Variants in HTR7 observed in about 807,000 individuals in gnomAD.
The protein encoded by HTR7 is 5-hydroxytryptamine receptor 7, also known as 5-HT-7.
A neutral mutation model predicts 34.0 loss-of-function variants in HTR7; 16 were observed. The ratio of observed to expected loss-of-function variants is 0.47; its 90% confidence interval spans 0.32 to 0.71. The LOEUF (loss-of-function observed/expected upper bound fraction) is 0.71, where lower values mean the gene tolerates loss of function less well. HTR7 is among the 30% of genes least tolerant of loss of function. HTR7 has a pLI of 0.04. For synonymous variants in HTR7, 265 were observed against 260.2 expected (o/e 1.02, Z -0.18); for missense variants, 504 against 625.5 (o/e 0.81, Z 2.07).
Position 90,742,422 on chromosome 10 carries a change from G to A in HTR7, c.*60C>T. 7.6e-7 allele frequency: 1 copy of A among 1,319,586 alleles called. No individual in the cohort carries two copies. Among genetic ancestry groups the A allele is most frequent in the East Asian group, 2.3e-5 (1 of 43,412 alleles). The allele number at this position is 1,319,586 out of a possible 1,614,324, so 81.7% of individuals were successfully genotyped here. ...ATTCCATTCTGCAGACTCAGCAAAT[G>A]ACTTCCTTCTGTTTCCACCTCTATT... On this transcript the variant is annotated 3_prime_UTR_variant, in exon 4 of 4. Transcript: ENST00000336152.
intron 1 of HTR7, among the ~76,000 whole-genome samples, chr10:90,827,262 TA>T (rs1846092912): frequency 6.6e-6 from 1 of 151,926 alleles, no homozygotes; most frequent in Non-Finnish European, 1.5e-5. Context: ...AGACACAGAG[TA>T]GGCTGGGTAT....
At chr10:90,794,567 C>T (rs558689271) in intron 1 of HTR7, among the ~76,000 whole-genome samples, 40 of 152,252 alleles carry the variant, frequency 2.6e-4, no homozygotes, top group South Asian at 2.1e-4. Flanking sequence ...AGTCATGGCT[C>T]ACTACAGCCT....
chr10:90,783,141 A>C (rs1421267522), intron 1 of HTR7, among the ~76,000 whole-genome samples: 2 of 152,168 alleles, frequency 1.3e-5, no homozygotes, highest in African/African-American at 4.8e-5. Flanking sequence ...GACCCCTTTA[A>C]ATTAAATTCC....
At chr10:90,793,705 T>C (rs1845494664) in intron 1 of HTR7, among the ~76,000 whole-genome samples, 1 of 151,830 alleles carries the variant, frequency 6.6e-6, no homozygotes, top group South Asian at 2.1e-4. Context: ...CAAGGCGAAA[T>C]CCCACAATAG....
chr10:90,744,575 G>T (rs930430285), intron 2 of HTR7, among the ~76,000 whole-genome samples: 1 of 127,666 alleles, frequency 7.8e-6, no homozygotes, highest in Non-Finnish European at 1.6e-5. Context: ...GTACTTCTTT[G>T]TTGGGGGGTG....
intron 1 of HTR7, among the ~76,000 whole-genome samples, chr10:90,754,449 T>G (rs1023313918): frequency 2.0e-5 from 3 of 152,156 alleles, no homozygotes; most frequent in Non-Finnish European, 4.4e-5. Context: ...GTATGCATGT[T>G]TAATATTTAA....
intron 1 of HTR7, among the ~76,000 whole-genome samples, chr10:90,830,880 A>G (rs542382088): frequency 6.6e-6 from 1 of 152,158 alleles, no homozygotes; most frequent in African/African-American, 2.4e-5. Flanking sequence ...GCCTACTCCA[A>G]CTAATGTTGT....
chr10:90,830,896 T>G (rs902569498), intron 1 of HTR7, among the ~76,000 whole-genome samples: 4 of 151,976 alleles, frequency 2.6e-5, no homozygotes, highest in African/African-American at 9.7e-5. Context: ...GTTGTGCCAC[T>G]CACTAGTCTT....
chr10:90,769,978 G>T (rs112006811), intron 1 of HTR7, among the ~76,000 whole-genome samples: 3 of 152,234 alleles, frequency 2.0e-5, no homozygotes, highest in African/African-American at 7.2e-5. Flanking sequence ...AGCAGGAGCC[G>T]CTGCGGGAGC....
At chr10:90,804,379 A>G (rs1355696306) in intron 1 of HTR7, among the ~76,000 whole-genome samples, 1 of 152,184 alleles carries the variant, frequency 6.6e-6, no homozygotes, top group African/African-American at 2.4e-5. Context: ...CCATCTTTGG[A>G]CAGCAAATAC....
chr10:90,825,375 A>C (rs189976545), intron 1 of HTR7, among the ~76,000 whole-genome samples: 1 of 152,348 alleles, frequency 6.6e-6, no homozygotes, highest in East Asian at 1.9e-4. Context: ...AAACCTTCCT[A>C]AGAAGGATGG....
intron 1 of HTR7, among the ~76,000 whole-genome samples, chr10:90,760,551 A>T (rs967452655): frequency 1.3e-5 from 2 of 152,194 alleles, no homozygotes; most frequent in African/African-American, 4.8e-5. Context: ...TATGTTAATT[A>T]CCCTGATCTG....
rs1057435998 is a variant in HTR7 at position 90,789,293 on chromosome 10, A to AT, written c.540-39700dup. On this transcript the variant is annotated intron_variant, in intron 1 of 3. Coordinates refer to ENST00000336152, the MANE Select transcript of HTR7 (RefSeq NM_019859.4). ...AGGCCTCTGCTTTGACTCTTTTGTGATTTTTTTTGCCTACATGGTCTTCAC... is the reference window on the plus strand; with the variant it reads ...AGGCCTCTGCTTTGACTCTTTTGTGATTTTTTTTTGCCTACATGGTCTTCAC... Among the ~76,000 whole-genome samples, 15 of 152,000 alleles carry AT rather than the reference A, an allele frequency of 9.9e-5. No homozygotes were observed. In the South Asian group the frequency reaches 2.1e-3, roughly 21 times the overall value.
Position 90,857,153 on chromosome 10 carries a change from C to G in HTR7, c.519G>C (p.Leu173=). ...CTTACCTGTCAATGCTGATCACGCA[C>G]AGGGTCATGATCGAGGCCGTGCAGC... The part of the protein sequence containing the change: ...VMCCTASIMT[L]CVISIDRYLG... Residue 173 remains leucine, a synonymous_variant, in exon 1 of 4, where the codon CTG becomes CTC. Transcript: ENST00000336152. This position sits in a 1 kb window ranked among gnomAD's most constrained non-coding sequence, Gnocchi z 6.5. The G allele has an allele frequency of 6.2e-7, 1 of 1,605,066 alleles. No homozygotes were observed. The highest frequency in any genetic ancestry group is 8.5e-7 in the Non-Finnish European group (1 of 1,175,164).
At chr10:90,807,316 C>T (rs990189416) in intron 1 of HTR7, among the ~76,000 whole-genome samples, 11 of 152,176 alleles carry the variant, frequency 7.2e-5, no homozygotes, top group African/African-American at 2.2e-4. Context: ...CAAGCCAAGC[C>T]ATCGCATCCC....
At chr10:90,833,790 A>G (rs766320915) in intron 1 of HTR7, among the ~76,000 whole-genome samples, 2 of 152,238 alleles carry the variant, frequency 1.3e-5, no homozygotes, top group Admixed American at 6.5e-5. Context: ...CATTGGGAAG[A>G]TTGTTCATTT....
chr10:90,828,945 GA>G (rs1443103348), intron 1 of HTR7, among the ~76,000 whole-genome samples: 1 of 149,420 alleles, frequency 6.7e-6, no homozygotes, highest in South Asian at 2.1e-4. Context: ...AAGAAAGAAA[GA>G]AAAAAAAAGT....
At chr10:90,756,269 G>A (rs1335637869) in intron 1 of HTR7, among the ~76,000 whole-genome samples, 5 of 152,230 alleles carry the variant, frequency 3.3e-5, no homozygotes, top group South Asian at 4.1e-4. Context: ...TCCTCTGGGT[G>A]TGTTACATAG....
At chr10:90,762,848 C>T (rs942487679) in intron 1 of HTR7, among the ~76,000 whole-genome samples, 1 of 152,144 alleles carries the variant, frequency 6.6e-6, no homozygotes, top group East Asian at 1.9e-4. Flanking sequence ...CATTCTTTTA[C>T]ATGTGGATAT....
Sources: gnomAD v4.1 joint callset for allele counts (sites outside exome capture counted in the v4.1 genomes callset) on GRCh38, gnomAD v4.1.1 for gene constraint, Gnocchi (gnomAD v3.1) non-coding constraint, MANE v1.5 for transcripts, NCBI Gene and HGNC (gene_info 2026-07-23, HGNC 2026-07-21) for gene names.